Variants in EIPR1 observed in about 807,000 individuals in gnomAD.
The protein encoded by EIPR1 is EARP and GARP complex-interacting protein 1.
A neutral mutation model predicts 48.1 loss-of-function variants in EIPR1; 25 were observed. The observed-to-expected ratio is 0.52, with a 90% CI of 0.38 to 0.73. EIPR1 has a LOEUF of 0.73. Among genes scored for constraint, EIPR1 ranks in the 30% least tolerant of loss-of-function variants. The pLI, the probability that EIPR1 is intolerant of heterozygous loss-of-function variation, is 0.00. For missense variants in EIPR1, 415 were observed against 506.2 expected (o/e 0.82, Z 1.73); for synonymous variants, 204 against 201.9 (o/e 1.01, Z -0.09).
Position 3,286,856 on chromosome 2 carries a change from G to A in EIPR1, c.260-29401C>T. ...ACCAGAGTGCCAGCCGGCAGAGGGG[G>A]CTGTGGGGAGCACACAGAGTGCCAG... On this transcript the variant is annotated intron_variant, in intron 3 of 8. Coordinates refer to ENST00000382125, the MANE Select transcript of EIPR1 (RefSeq NM_003310.5). This position sits in a 1 kb window ranked among gnomAD's most constrained non-coding sequence, Gnocchi z 4.2. Among the ~76,000 whole-genome samples, 1 of 152,130 alleles carries A rather than the reference G, an allele frequency of 6.6e-6. No individual in the cohort carries two copies.
chr2:3,318,215 A>T (rs1669374645), intron 3 of EIPR1, among the ~76,000 whole-genome samples: 1 of 152,194 alleles, frequency 6.6e-6, no homozygotes, highest in Non-Finnish European at 1.5e-5. Flanking sequence ...GGGTTGAGGG[A>T]GAAGCTGGCC....
intron 2 of EIPR1, among the ~76,000 whole-genome samples, chr2:3,351,354 G>A (rs1353709291): frequency 2.0e-5 from 3 of 152,152 alleles, no homozygotes; most frequent in African/African-American, 7.2e-5. Flanking sequence ...CTTCATTAAT[G>A]TCATTACCAA....
chr2:3,234,404 A>T (rs2103172262), intron 4 of EIPR1, among the ~76,000 whole-genome samples: 1 of 152,222 alleles, frequency 6.6e-6, no homozygotes, highest in East Asian at 1.9e-4. Flanking sequence ...AGTCCCCAAG[A>T]GCAGGCAGGA....
At chr2:3,258,519 G>C (rs1667232953) in intron 3 of EIPR1, among the ~76,000 whole-genome samples, 1 of 152,054 alleles carries the variant, frequency 6.6e-6, no homozygotes, top group Non-Finnish European at 1.5e-5. Flanking sequence ...AACATTTCAT[G>C]GGTAGTACAA....
chr2:3,336,858 G>A (rs188758457), intron 3 of EIPR1, among the ~76,000 whole-genome samples: 20,518 of 107,786 alleles, frequency 0.19, 2,624 homozygotes, highest in Non-Finnish European at 0.21. Context: ...GAAAAGGGAA[G>A]GGAAGGGAAA....
At chr2:3,275,344 T>C (rs1373021401) in intron 3 of EIPR1, among the ~76,000 whole-genome samples, 3 of 150,020 alleles carry the variant, frequency 2.0e-5, no homozygotes, top group South Asian at 2.1e-4. Flanking sequence ...TCTAAACTTA[T>C]ATGCCCTCAA....
At chr2:3,238,020 G>A (rs548196860) in intron 4 of EIPR1, among the ~76,000 whole-genome samples, 1 of 152,234 alleles carries the variant, frequency 6.6e-6, no homozygotes, top group Admixed American at 6.5e-5. Context: ...CAACGACAAA[G>A]GCTTATCTCA....
At chr2:3,264,332 G>C (rs796205477) in intron 3 of EIPR1, among the ~76,000 whole-genome samples, 3 of 152,332 alleles carry the variant, frequency 2.0e-5, no homozygotes, top group African/African-American at 7.2e-5. Flanking sequence ...TTAGGGCTGA[G>C]CAATGCTCCA....
intron 4 of EIPR1, among the ~76,000 whole-genome samples, chr2:3,215,627 A>C (rs995552261): frequency 1.3e-5 from 2 of 152,280 alleles, no homozygotes; most frequent in African/African-American, 2.4e-5. Context: ...TTTATAAAGA[A>C]AGGAATTTCA....
Position 3,361,553 on chromosome 2 carries a change from G to T in EIPR1, c.43-6920C>A, listed in dbSNP as rs534865399. The stretch of plus-strand genomic sequence containing the variant: ...CTCTGTCCTTCCACTCACAGCAGAT[G>T]TAACAATGGGTAAGCAGGCGAGGAG... On this transcript the variant is annotated intron_variant, in intron 1 of 8. Transcript: ENST00000382125. Among the ~76,000 whole-genome samples the T allele has an allele frequency of 8.6e-5, 13 of 151,756 alleles. No homozygotes were observed. In the East Asian group the frequency reaches 1.2e-3, roughly 14 times the overall value.
chr2:3,273,547 G>A (rs1157355335), intron 3 of EIPR1, among the ~76,000 whole-genome samples: 1 of 151,998 alleles, frequency 6.6e-6, no homozygotes, highest in Non-Finnish European at 1.5e-5. Context: ...AAACCCACTT[G>A]TTTATCTCAG....
At chr2:3,330,792 C>T (rs954735990) in intron 3 of EIPR1, among the ~76,000 whole-genome samples, 6 of 146,286 alleles carry the variant, frequency 4.1e-5, no homozygotes, top group African/African-American at 1.3e-4. Context: ...TGTACACTCA[C>T]GAGAATGGTG....
intron 4 of EIPR1, among the ~76,000 whole-genome samples, chr2:3,222,561 C>A (rs1437472944): frequency 6.6e-6 from 1 of 152,170 alleles, no homozygotes; most frequent in Non-Finnish European, 1.5e-5. Flanking sequence ...ACAGGTAAAG[C>A]TTTCAAGAAA....
intron 4 of EIPR1, among the ~76,000 whole-genome samples, chr2:3,252,109 G>T (rs772630165): frequency 2.6e-5 from 4 of 152,226 alleles, no homozygotes; most frequent in Non-Finnish European, 5.9e-5. Context: ...TATGGTTGTT[G>T]CAAAGCATTC....
intron 3 of EIPR1, among the ~76,000 whole-genome samples, chr2:3,288,719 A>C (rs987767597): frequency 3.9e-5 from 6 of 152,206 alleles, no homozygotes; most frequent in African/African-American, 1.4e-4. Flanking sequence ...ACCAGGAAAC[A>C]CTGCTCAGCA....
intron 4 of EIPR1, among the ~76,000 whole-genome samples, chr2:3,255,166 T>C (rs1667113936): frequency 6.6e-6 from 1 of 151,144 alleles, no homozygotes; most frequent in South Asian, 2.1e-4. Flanking sequence ...GCCTGTTTAA[T>C]ATCAACAATT....
At chr2:3,232,952 T>C (rs1212756765) in intron 4 of EIPR1, among the ~76,000 whole-genome samples, 2 of 152,222 alleles carry the variant, frequency 1.3e-5, no homozygotes, top group African/African-American at 4.8e-5. Context: ...AAGAAGCCTC[T>C]TGCCTTTGCG....
chr2:3,232,907 T>C (rs1035218306), intron 4 of EIPR1, among the ~76,000 whole-genome samples: 1 of 80,434 alleles, frequency 1.2e-5, no homozygotes, highest in African/African-American at 4.0e-5. Flanking sequence ...TAGCCCTAAG[T>C]GGGCATTAAA....
intron 1 of EIPR1, among the ~76,000 whole-genome samples, chr2:3,368,888 C>G (rs1189434348): frequency 1.3e-5 from 2 of 152,088 alleles, no homozygotes; most frequent in African/African-American, 4.8e-5. Flanking sequence ...TCTTAACGAC[C>G]CTCCGTGTTG....
Sources: gnomAD v4.1 joint callset for allele counts (sites outside exome capture counted in the v4.1 genomes callset) on GRCh38, gnomAD v4.1.1 for gene constraint, Gnocchi (gnomAD v3.1) non-coding constraint, MANE v1.5 for transcripts, NCBI Gene and HGNC (gene_info 2026-07-23, HGNC 2026-07-21) for gene names.